The following LTBP1 variants were observed in gnomAD, a reference collection of about 807,000 sequenced individuals.
The protein encoded by LTBP1 is latent transforming growth factor beta binding protein 1.
In LTBP1, 129 loss-of-function variants were observed where a neutral mutation model predicts 207.6. That is an observed-to-expected ratio of 0.62 (90% CI 0.54 to 0.72). The LOEUF (loss-of-function observed/expected upper bound fraction) is 0.72. Among genes scored for constraint, LTBP1 ranks in the 30% least tolerant of loss-of-function variants. The pLI is 0.00. For missense variants in LTBP1, 2,281 were observed against 2,217.2 expected, an observed-to-expected ratio of 1.03 and a Z score of -0.58; for synonymous variants, 963 against 833.7, an observed-to-expected ratio of 1.16 and a Z score of -2.67.
chr2:33,267,659 A>C (rs72858089), intron 15 of LTBP1, among the ~76,000 whole-genome samples: 2,278 of 152,342 alleles, frequency 0.015, 64 homozygotes, highest in African/African-American at 0.052. Context: ...TTCTTTCAAA[A>C]TACTGCATTT....
Position 33,200,155 on chromosome 2 carries a change from C to T in LTBP1, c.1701+11304C>T, listed in dbSNP as rs567020852. On this transcript the variant is annotated intron_variant, in intron 7 of 33. Coordinates refer to ENST00000404816, the MANE Select transcript of LTBP1 (RefSeq NM_206943.4). ...AAGTTCATATGGAACCAAAAAAGAG[C>T]CCACATTGCCAAGTCAATCCTAAGC... is the stretch of plus-strand genomic sequence containing the variant. 1.6e-4 allele frequency among the ~76,000 whole-genome samples: 25 copies of T among 152,232 alleles called. 1 individual carries two copies. Among genetic ancestry groups the T allele is most frequent in the African/African-American group, 5.8e-4 (24 of 41,544 alleles).
Position 33,021,850 on chromosome 2 carries a change from A to C in LTBP1, c.863+644A>C, listed in dbSNP as rs181279113. 9.5e-4 allele frequency among the ~76,000 whole-genome samples: 144 copies of C among 152,270 alleles called. 2 individuals carry two copies. Among genetic ancestry groups the C allele is most frequent in the Non-Finnish European group, 2.9e-5 (2 of 68,018 alleles). ...TTCTGAACAAAATGAGAACTCAGAG[A>C]AGAAAGATTACCCCGTTCTCTGAGT... On this transcript the variant is annotated intron_variant, in intron 3 of 33. Coordinates refer to ENST00000404816, the MANE Select transcript of LTBP1 (RefSeq NM_206943.4).
chr2:33,307,907 G>A (rs2094123909), intron 22 of LTBP1, among the ~76,000 whole-genome samples: 1 of 152,164 alleles, frequency 6.6e-6, no homozygotes, highest in Non-Finnish European at 1.5e-5. Context: ...CCTGTTAATT[G>A]GTTGATTGGA....
chr2:33,244,853 T>C (rs1247409754), intron 10 of LTBP1, among the ~76,000 whole-genome samples: 2 of 136,782 alleles, frequency 1.5e-5, no homozygotes, highest in Non-Finnish European at 3.1e-5. Flanking sequence ...CCTGCAAGTT[T>C]TTGTTTTTAT....
rs572232838 is a variant in LTBP1, at chr2:33,181,454, C to G, written c.1202-5402C>G. Among the ~76,000 whole-genome samples, 4 of 152,302 alleles carry G rather than the reference C, an allele frequency of 2.6e-5. No homozygotes were observed. In the South Asian group the frequency reaches 8.3e-4, roughly 32 times the overall value. On this transcript the variant is annotated intron_variant, in intron 5 of 33. Coordinates refer to ENST00000404816, the MANE Select transcript of LTBP1 (RefSeq NM_206943.4). Reference sequence around the variant, plus strand: ...CGCCTGACTTATTTAAAACCTCCAGCTTGTTGTTCTTCCAGCATGGATCCT... The same window carrying G: ...CGCCTGACTTATTTAAAACCTCCAGGTTGTTGTTCTTCCAGCATGGATCCT...
intron 5 of LTBP1, among the ~76,000 whole-genome samples, chr2:33,168,684 A>AG (rs1005221858): frequency 2.0e-5 from 3 of 151,214 alleles, no homozygotes; most frequent in African/African-American, 7.4e-5. Context: ...GCATGTTAAA[A>AG]GAAAAAAAAA....
chr2:33,277,009 T>C (rs1304428263), intron 18 of LTBP1, among the ~76,000 whole-genome samples: 3 of 152,166 alleles, frequency 2.0e-5, no homozygotes, highest in African/African-American at 7.2e-5. Context: ...GCTGGTTCCT[T>C]GGGGTTCCCT....
intron 24 of LTBP1, 86 bp from the exon 25 acceptor site, chr2:33,342,752 G>A: frequency 1.4e-6 from 2 of 1,400,488 alleles, no homozygotes; most frequent in Middle Eastern, 1.9e-4. Context: ...ATCAGGATGT[G>A]TTGAGTGCCT....
chr2:33,108,184 C>T (rs1287849590), intron 3 of LTBP1, among the ~76,000 whole-genome samples: 1 of 151,816 alleles, frequency 6.6e-6, no homozygotes, highest in Non-Finnish European at 1.5e-5. Context: ...CTCTACTTGC[C>T]TCAGCAGGGG....
At position 33,134,617 on chromosome 2, in the gene LTBP1, G is replaced by A; in HGVS notation, c.1034-176G>A. ...TTTCAGAGACACCACTGAATACAGAGCAGCGAGCACTGAAGGCTTCCCTCT... is the reference window on the plus strand; with the variant it reads ...TTTCAGAGACACCACTGAATACAGAACAGCGAGCACTGAAGGCTTCCCTCT... On this transcript the variant is annotated intron_variant, in intron 4 of 33. Coordinates refer to ENST00000404816, the MANE Select transcript of LTBP1 (RefSeq NM_206943.4). This position sits in a 1 kb window ranked among gnomAD's most constrained non-coding sequence, Gnocchi z 4.4. The A allele has an allele frequency of 6.5e-7, 1 of 1,533,066 alleles. No individual in the cohort carries two copies. Among genetic ancestry groups the A allele is most frequent in the Non-Finnish European group, 8.8e-7 (1 of 1,138,426 alleles). 95.0% of individuals were successfully genotyped at this position (1,533,066 alleles called of 1,614,324 possible).
chr2:33,128,590 T>G (rs2081583451), intron 4 of LTBP1, among the ~76,000 whole-genome samples: 1 of 152,230 alleles, frequency 6.6e-6, no homozygotes, highest in Admixed American at 6.5e-5. Context: ...AAATGTATCT[T>G]TTAAATGGCT....
chr2:33,054,023 A>C (rs1226257442), intron 3 of LTBP1, among the ~76,000 whole-genome samples: 1 of 152,194 alleles, frequency 6.6e-6, no homozygotes, highest in Non-Finnish European at 1.5e-5. Context: ...GATCTGTGGG[A>C]TCCTCAAAGG....
At chr2:33,122,828 G>A (rs2081217777) in intron 4 of LTBP1, among the ~76,000 whole-genome samples, 1 of 149,206 alleles carries the variant, frequency 6.7e-6, no homozygotes, top group Non-Finnish European at 1.5e-5. Context: ...CTGCGTTCTG[G>A]GTTCTCTTGA....
intron 4 of LTBP1, among the ~76,000 whole-genome samples, chr2:33,127,269 T>C (rs1488621693): frequency 6.6e-6 from 1 of 152,116 alleles, no homozygotes; most frequent in Non-Finnish European, 1.5e-5. Context: ...TTTCGTGAAG[T>C]GTAATAAGTC....
chr2:33,309,892 A>G (rs928855849), intron 23 of LTBP1, among the ~76,000 whole-genome samples: 1 of 150,822 alleles, frequency 6.6e-6, no homozygotes, highest in Non-Finnish European at 1.5e-5. Flanking sequence ...ATTTTGTCTC[A>G]TAGGTGGTAT....
chr2:33,338,990 G>A (rs2094584700), intron 24 of LTBP1, among the ~76,000 whole-genome samples: 1 of 152,102 alleles, frequency 6.6e-6, no homozygotes, highest in Non-Finnish European at 1.5e-5. Context: ...AATGGTACTG[G>A]TGAGTTTGCA....
chr2:33,082,308 T>C (rs1436214276), intron 3 of LTBP1, among the ~76,000 whole-genome samples: 1 of 152,146 alleles, frequency 6.6e-6, no homozygotes, highest in Non-Finnish European at 1.5e-5. Context: ...AGCCAGTCAA[T>C]TTCTGCTCAT....
At chr2:33,355,657 C>T (rs11892861) in intron 26 of LTBP1, among the ~76,000 whole-genome samples, 54,333 of 151,860 alleles carry the variant, frequency 0.36, 10,482 homozygotes, top group African/African-American at 0.5. Context: ...ATTTTTCTTC[C>T]CCCTGCTTTT....
intron 3 of LTBP1, among the ~76,000 whole-genome samples, chr2:33,078,981 C>T (rs1355780739): frequency 2.0e-5 from 3 of 151,426 alleles, no homozygotes; most frequent in Non-Finnish European, 4.4e-5. Flanking sequence ...ACCTCAGCCT[C>T]CCGAGTAGCT....
Sources: gnomAD v4.1 joint callset for allele counts (sites outside exome capture counted in the v4.1 genomes callset) on GRCh38, gnomAD v4.1.1 for gene constraint, Gnocchi (gnomAD v3.1) non-coding constraint, MANE v1.5 for transcripts, NCBI Gene and HGNC (gene_info 2026-07-23, HGNC 2026-07-21) for gene names.